Variants in YJEFN3 observed in about 807,000 individuals in gnomAD.
The protein encoded by YJEFN3 is yjeF N-terminal domain-containing protein 3.
In YJEFN3, 29 loss-of-function variants were observed where a neutral mutation model predicts 31.5. The ratio of observed to expected loss-of-function variants is 0.92; its 90% CI spans 0.69 to 1.26. The LOEUF (loss-of-function observed/expected upper bound fraction) is 1.26, where lower values mean the gene tolerates loss of function less well. Among genes scored for constraint, YJEFN3 ranks in the 50% most tolerant of loss-of-function variants. The pLI is 0.00. For missense variants in YJEFN3, 442 were observed against 425.4 expected, an observed-to-expected ratio of 1.04 and a Z score of -0.34; for synonymous variants, 227 against 196.1, an observed-to-expected ratio of 1.16 and a Z score of -1.32.
chr19:19,533,424 C>T (rs926977289), intron 3 of YJEFN3: 8 of 986,250 alleles, frequency 8.1e-6, no homozygotes, highest in African/African-American at 7.0e-5. Flanking sequence ...CCCTGCCCTC[C>T]TCATCCCCCT....
rs2144660774 is a variant in YJEFN3, at chr19:19,532,746, T to C, written c.318+6T>C. On this transcript the variant is annotated splice_donor_region_variant and intron_variant, in intron 3 of 6. Transcript: ENST00000514277. ...GTGCCGTGGCTGTGACCAAGGTACC[T>C]GACCCCTGACCCCCAACCCTGACCC... The C allele has an allele frequency of 5.2e-6, 8 of 1,547,646 alleles. No homozygotes were observed. In the African/African-American group the frequency reaches 5.5e-5, roughly 11 times the overall value.
rs1031607847 is a variant in YJEFN3, at chr19:19,537,339, A to G, written c.715A>G (p.Ser239Gly). 10 of 1,594,940 alleles carry G rather than the reference A, an allele frequency of 6.3e-6. No individual in the cohort carries two copies. The highest frequency in any genetic ancestry group is 3.3e-4 in the Middle Eastern group (2 of 6,066). Residue 239 changes from serine (S) to glycine (G), a missense_variant, in exon 7 of 7, where the codon AGC becomes GGC. Physicochemically the swap from Ser to Gly is moderately conservative, Grantham distance 56 (BLOSUM62 0). Coordinates refer to ENST00000514277, the MANE Select transcript of YJEFN3 (RefSeq NM_198537.4). ...IPSGWDAETG[S>G]DSEDGLRPDV... The stretch of plus-strand genomic sequence containing the variant: ...CTCAGGCTGGGACGCAGAGACCGGC[A>G]GCGATTCGGAGGACGGGCTGCGGCC...
chr19:19,529,054 A>G (rs1242383160), intron 1 of YJEFN3, 63 bp downstream of exon 1: 1 of 1,540,814 alleles, frequency 6.5e-7, no homozygotes, highest in African/African-American at 1.4e-5. Flanking sequence ...AGCAGCCCGT[A>G]GGACCGGAGG....
chr19:19,533,466 C>T, intron 3 of YJEFN3: 1 of 955,950 alleles, frequency 1.0e-6, no homozygotes, highest in Non-Finnish European at 1.2e-6. Context: ...TCCTCCTGCC[C>T]CCTCCTCTTA....
intron 6 of YJEFN3, among the ~76,000 whole-genome samples, chr19:19,536,471 A>C (rs1265705844): frequency 6.6e-6 from 1 of 151,914 alleles, no homozygotes; most frequent in Non-Finnish European, 1.5e-5. Context: ...ACCTGATGTC[A>C]GGAGTTCCAG....
At chr19:19,536,588 A>G (rs1322416941) in intron 6 of YJEFN3, among the ~76,000 whole-genome samples, 12 of 152,128 alleles carry the variant, frequency 7.9e-5, no homozygotes, top group Non-Finnish European at 4.4e-5. Flanking sequence ...CTGAGGCAGG[A>G]GAATCGCTTG....
Position 19,535,396 on chromosome 19 carries a change from G to A in YJEFN3, c.489G>A (p.Leu163=). 1 of 1,613,976 alleles carries A rather than the reference G, an allele frequency of 6.2e-7. No individual in the cohort carries two copies. The highest frequency in any genetic ancestry group is 8.5e-7 in the Non-Finnish European group (1 of 1,179,988). ...TRSLDLLHRD[L]TTQCEKMDIP... is the part of the protein sequence containing the mutation. ...CGCTGGACCTGCTGCATCGGGACCT[G>A]ACCACCCAGTGCGAGAAGATGGACA... Residue 163 remains leucine (L), a synonymous_variant, in exon 5 of 7, where the codon CTG becomes CTA. Coordinates refer to ENST00000514277, the MANE Select transcript of YJEFN3 (RefSeq NM_198537.4).
intron 3 of YJEFN3, chr19:19,533,035 C>G (rs1055252727): frequency 2.5e-6 from 3 of 1,193,384 alleles, no homozygotes; most frequent in African/African-American, 1.6e-5. Flanking sequence ...TCTGCCACCT[C>G]CTGGGTCTTG....
rs749686912 is a variant in YJEFN3, at chr19:19,537,447, G to A, written c.823G>A (p.Val275Met). The change falls in exon 7 of 7, where the codon GTG (valine) becomes ATG (methionine). Residue 275 changes from valine (V) to methionine (M), a missense_variant. Val to Met is a conservative substitution (Grantham distance 21). Coordinates refer to ENST00000514277, the MANE Select transcript of YJEFN3 (RefSeq NM_198537.4). The stretch of plus-strand genomic sequence containing the variant: ...CCACCACTTCGTGGCCGGCAGGTTC[G>A]TGCCCGATGACGTGCGCCGCAAGTT... ...GRHHFVAGRF[V>M]PDDVRRKFAL... 3.1e-6 allele frequency: 5 copies of A among 1,587,520 alleles called. No homozygotes were observed. The South Asian group carries it at 5.6e-5, about 18-fold the overall frequency.
rs751377858 is a variant in YJEFN3 at position 19,535,130 on chromosome 19, C to T, written c.415C>T (p.His139Tyr). The T allele has an allele frequency of 2.5e-6, 4 of 1,606,254 alleles. No homozygotes were observed. The highest frequency in any genetic ancestry group is 2.6e-6 in the Non-Finnish European group (3 of 1,175,612). ...GGCAGTGGGGCTGGTCTGTGCCCGGCACCTGCGGGTGTTTGTAAGTAGCAA... is the reference window on the plus strand; with the variant it reads ...GGCAGTGGGGCTGGTCTGTGCCCGGTACCTGCGGGTGTTTGTAAGTAGCAA... Reference protein sequence around the residue: ...NGAVGLVCARHLRVFEYEPTI... With the variant: ...NGAVGLVCARYLRVFEYEPTI... The change falls in exon 4 of 7, where the codon CAC (histidine) becomes TAC (tyrosine). Residue 139 changes from histidine (H) to tyrosine (Y), a missense_variant. Coordinates refer to ENST00000514277, the MANE Select transcript of YJEFN3 (RefSeq NM_198537.4).
In YJEFN3 at chr19:19,537,515, G is replaced by A. The variant is rs767212955; in HGVS notation, c.891G>A (p.Ala297=). 5.1e-6 allele frequency: 8 copies of A among 1,560,352 alleles called. No homozygotes were observed. The East Asian group carries it at 1.1e-4, about 22-fold the overall frequency. ...LPGYTGTDCV[A]AL ...GATACACGGGCACCGACTGCGTCGC[G>A]GCACTGTGACCGCCACCCGCGGCCA... The change falls in exon 7 of 7, where the codon GCG becomes GCA. Residue 297 remains alanine, a synonymous_variant. Coordinates refer to ENST00000514277, the MANE Select transcript of YJEFN3 (RefSeq NM_198537.4).
rs1273354351 is a variant in YJEFN3 at position 19,537,577 on chromosome 19, C to G, written c.*53C>G. 2.8e-6 allele frequency: 4 copies of G among 1,452,356 alleles called. No individual in the cohort carries two copies. Among genetic ancestry groups the G allele is most frequent in the Non-Finnish European group, 3.6e-6 (4 of 1,096,922 alleles). The allele number at this position is 1,452,356 out of a possible 1,614,324, so 90.0% of individuals were successfully genotyped here. A position where few individuals can be genotyped will look rare whatever the true frequency, so the allele number is the denominator to read the frequency against. Reference sequence around the variant, plus strand: ...CCCTCGCCAATAAACAGCCCTCCCACCACCGCCGCCTCGCCTCCGCCTCCT... The same window carrying G: ...CCCTCGCCAATAAACAGCCCTCCCAGCACCGCCGCCTCGCCTCCGCCTCCT... On this transcript the variant is annotated 3_prime_UTR_variant, in exon 7 of 7. Coordinates refer to ENST00000514277, the MANE Select transcript of YJEFN3 (RefSeq NM_198537.4).
intron 3 of YJEFN3, 32 bp from the exon 4 acceptor site, chr19:19,535,002 G>A: frequency 6.5e-7 from 1 of 1,545,620 alleles, no homozygotes. Context: ...TCTGGACTGT[G>A]CCTGTGCCTT....
chr19:19,532,520 G>A lies in YJEFN3; in HGVS notation c.210-112G>A, dbSNP rs2144659953. 5 of 656,518 alleles carry A rather than the reference G, an allele frequency of 7.6e-6. No individual in the cohort carries two copies. In the South Asian group the frequency reaches 8.1e-5, roughly 11 times the overall value. 40.7% of individuals were successfully genotyped at this position (656,518 alleles called of 1,614,324 possible). A position where few individuals can be genotyped will look rare whatever the true frequency, so the allele number is the denominator to read the frequency against. On this transcript the variant is annotated intron_variant, in intron 2 of 6. Coordinates refer to ENST00000514277, the MANE Select transcript of YJEFN3 (RefSeq NM_198537.4). ...CTGCAGACGCTACTCGGGGGTACGG[G>A]GTGGGAGGGTGGCATTGGGACCGGG... is the stretch of plus-strand genomic sequence containing the variant.
intron 2 of YJEFN3, among the ~76,000 whole-genome samples, chr19:19,532,016 G>A (rs948725458): frequency 2.6e-5 from 4 of 152,000 alleles, no homozygotes; most frequent in Admixed American, 6.6e-5. Context: ...CTGGGATTAC[G>A]GATGTGAGGC....
intron 2 of YJEFN3, among the ~76,000 whole-genome samples, chr19:19,532,118 C>T (rs574995500): frequency 1.3e-5 from 2 of 152,230 alleles, no homozygotes; most frequent in Non-Finnish European, 2.9e-5. Flanking sequence ...GCCCCAAGGC[C>T]TCCCCGCTGA....
In YJEFN3 at chr19:19,535,556, C is replaced by A; in HGVS notation, c.571C>A (p.Leu191Met). ...EVQLINEAYG[L>M]VVDAVLGPGV... ...GCAGCTCATTAACGAAGCCTATGGG[C>A]TGGTGGTGGATGCCGTACTGGGCCC... Residue 191 changes from leucine (L) to methionine (M), a missense_variant, in exon 6 of 7, where the codon CTG becomes ATG. By Grantham distance (15) the Leu-to-Met change is conservative. Coordinates refer to ENST00000514277, the MANE Select transcript of YJEFN3 (RefSeq NM_198537.4). 1 of 1,593,108 alleles carries A rather than the reference C, an allele frequency of 6.3e-7. No homozygotes were observed. The highest frequency in any genetic ancestry group is 8.6e-7 in the Non-Finnish European group (1 of 1,168,156).
Position 19,535,385 on chromosome 19 carries a change from C to T in YJEFN3, c.478C>T (p.His160Tyr). The change falls in exon 5 of 7, where the codon CAT becomes TAT. Residue 160 changes from histidine (H) to tyrosine (Y), a missense_variant. Coordinates refer to ENST00000514277, the MANE Select transcript of YJEFN3 (RefSeq NM_198537.4). Reference protein sequence around the residue: ...FYPTRSLDLLHRDLTTQCEKM... With the variant: ...FYPTRSLDLLYRDLTTQCEKM... ...CCCCACACGCTCGCTGGACCTGCTG[C>T]ATCGGGACCTGACCACCCAGTGCGA... The T allele has an allele frequency of 6.2e-7, 1 of 1,614,002 alleles. No homozygotes were observed. Among genetic ancestry groups the T allele is most frequent in the Non-Finnish European group, 8.5e-7 (1 of 1,179,982 alleles).
Position 19,535,039 on chromosome 19 carries a change from C to T in YJEFN3, c.324C>T (p.Phe108=), listed in dbSNP as rs2061193830. The change falls in exon 4 of 7, where the codon TTC becomes TTT. Residue 108 remains phenylalanine (F), a synonymous_variant. Coordinates refer to ENST00000514277, the MANE Select transcript of YJEFN3 (RefSeq NM_198537.4). The stretch of plus-strand genomic sequence containing the variant: ...GCTGTGTCCCCTACCACCAGGCGTT[C>T]CCGTTGCCCGCTCTCTCCCGGAAGC... ...HASAVAVTKA[F]PLPALSRKQR... 1 of 1,597,198 alleles carries T rather than the reference C, an allele frequency of 6.3e-7. No homozygotes were observed. Among genetic ancestry groups the T allele is most frequent in the Non-Finnish European group, 8.5e-7 (1 of 1,171,772 alleles).
Sources: gnomAD v4.1 joint callset for allele counts (sites outside exome capture counted in the v4.1 genomes callset) on GRCh38, gnomAD v4.1.1 for gene constraint, MANE v1.5 for transcripts, NCBI Gene and HGNC (gene_info 2026-07-23, HGNC 2026-07-21) for gene names.